NAV3: variants seen among roughly 807,000 people sequenced by gnomAD.
The protein encoded by NAV3 is pore membrane and/or filament interacting like protein 1.
A neutral mutation model predicts 244.7 loss-of-function variants in NAV3; 87 were observed. The ratio of observed to expected loss-of-function variants is 0.36; its 90% CI spans 0.30 to 0.42. NAV3 has a LOEUF of 0.42. Ranked by LOEUF, NAV3 falls within the 20% of genes least tolerant of loss-of-function variation. The probability of loss-of-function intolerance (pLI) is 1.00; values close to 1 mark genes in which losing one functional copy is unlikely to be tolerated. For synonymous variants in NAV3, 1,126 were observed against 1,042.2 expected, an observed-to-expected ratio of 1.08 and a Z score of -1.55; for missense variants, 2,663 against 2,893.3, an observed-to-expected ratio of 0.92 and a Z score of 1.83.
chr12:77,578,700 T>C (rs532038181), intron 2 of NAV3, among the ~76,000 whole-genome samples: 2 of 152,314 alleles, frequency 1.3e-5, no homozygotes, highest in South Asian at 2.1e-4. Flanking sequence ...CCCAGACTAA[T>C]GATAATATCA....
At chr12:77,834,009 G>T (rs1350539083) in intron 1 of NAV3, among the ~76,000 whole-genome samples, 1 of 151,898 alleles carries the variant, frequency 6.6e-6, no homozygotes, top group African/African-American at 2.4e-5. Context: ...CCAGCCGCTT[G>T]TGTGTTCTTC....
intron 3 of NAV3, among the ~76,000 whole-genome samples, chr12:77,955,564 C>T (rs976736448): frequency 3.3e-5 from 5 of 151,982 alleles, no homozygotes; most frequent in Admixed American, 2.0e-4. Context: ...TCTTTTTGGC[C>T]TCTGATCAGA....
intron 12 of NAV3, among the ~76,000 whole-genome samples, chr12:78,100,304 T>C (rs1437081929): frequency 6.6e-6 from 1 of 151,914 alleles, no homozygotes; most frequent in Non-Finnish European, 1.5e-5. Flanking sequence ...TGGTACTAAG[T>C]ACAAACAGAA....
chr12:78,009,896 A>T (rs1033448384), intron 8 of NAV3, among the ~76,000 whole-genome samples: 2 of 152,146 alleles, frequency 1.3e-5, no homozygotes, highest in Non-Finnish European at 2.9e-5. Flanking sequence ...TTTTATTATT[A>T]TCAACAATAT....
rs1429259256 is a variant in NAV3, at chr12:77,962,193, G to GCTCAAT, written c.415-4035_415-4030dup. Among the ~76,000 whole-genome samples, 4 of 151,746 alleles carry GCTCAAT rather than the reference G, an allele frequency of 2.6e-5. No homozygotes were observed. In the East Asian group the frequency reaches 7.7e-4, roughly 29 times the overall value. On this transcript the variant is annotated intron_variant, in intron 3 of 39. Coordinates refer to ENST00000397909, the MANE Select transcript of NAV3 (RefSeq NM_001024383.2). ...TTCTTCCCAAGGATAATCTCCTAAG[G>GCTCAAT]CTCAATGTTTGTTCCTCTTCTTTTA...
chr12:78,025,595 C>CAAAAAAAAAAAAAAAAAAAA (rs1186694789), intron 9 of NAV3, among the ~76,000 whole-genome samples: 1 of 55,566 alleles, frequency 1.8e-5, no homozygotes, highest in Non-Finnish European at 3.2e-5. Context: ...GACTCCATCT[C>CAAAAAAAAAAAAAAAAAAAA]AAAAAAAAAA....
chr12:77,605,586 T>C (rs1284483518), intron 2 of NAV3, among the ~76,000 whole-genome samples: 1 of 152,198 alleles, frequency 6.6e-6, no homozygotes, highest in Non-Finnish European at 1.5e-5. Context: ...TTGAGAATTC[T>C]TTAATGTGTT....
intron 2 of NAV3, among the ~76,000 whole-genome samples, chr12:77,622,263 C>A (rs949178109): frequency 1.3e-5 from 2 of 152,062 alleles, no homozygotes; most frequent in South Asian, 4.2e-4. Flanking sequence ...GGGTTCATGC[C>A]GTTCTCCTGC....
intron 7 of NAV3, among the ~76,000 whole-genome samples, chr12:78,001,153 C>T (rs1007437164): frequency 6.6e-6 from 1 of 152,102 alleles, no homozygotes; most frequent in Non-Finnish European, 1.5e-5. Context: ...GCATATATAA[C>T]TTGGGTGTGA....
intron 1 of NAV3, among the ~76,000 whole-genome samples, chr12:77,883,781 C>T (rs1401537710): frequency 2.0e-5 from 3 of 152,050 alleles, no homozygotes; most frequent in Admixed American, 2.0e-4. Flanking sequence ...TTTTTGCTAT[C>T]ACCAGTTGTT....
intron 3 of NAV3, among the ~76,000 whole-genome samples, chr12:77,963,802 C>T (rs1159496649): frequency 3.3e-5 from 5 of 152,056 alleles, no homozygotes; most frequent in South Asian, 2.1e-4. Flanking sequence ...AATGTATTAT[C>T]GATCATTTGT....
intron 1 of NAV3, among the ~76,000 whole-genome samples, chr12:77,896,027 A>C (rs2136835114): frequency 6.6e-6 from 1 of 151,894 alleles, no homozygotes; most frequent in South Asian, 2.1e-4. Context: ...TCTTTTACAA[A>C]AATGAGAAAG....
chr12:77,950,924 G>A (rs1344169301), intron 3 of NAV3: 1 of 152,036 alleles, frequency 6.6e-6, no homozygotes, highest in Admixed American at 6.6e-5. Context: ...AATTCAAGAT[G>A]GATTAAAGAC....
intron 2 of NAV3, among the ~76,000 whole-genome samples, chr12:77,591,285 A>G (rs1869891495): frequency 6.6e-6 from 1 of 152,232 alleles, no homozygotes; most frequent in Non-Finnish European, 1.5e-5. Context: ...AAATATGTTA[A>G]CATATTCATC....
intron 34 of NAV3, among the ~76,000 whole-genome samples, chr12:78,196,658 T>G (rs1457000704): frequency 1.3e-5 from 2 of 151,934 alleles, no homozygotes; most frequent in Admixed American, 6.6e-5. Flanking sequence ...CTAAATTTTG[T>G]CTTTGTTTAA....
intron 2 of NAV3, among the ~76,000 whole-genome samples, chr12:77,590,002 T>C (rs1198179422): frequency 1.3e-5 from 2 of 152,200 alleles, no homozygotes; most frequent in Non-Finnish European, 2.9e-5. Flanking sequence ...TTATGTAAGC[T>C]TGGAACAGAG....
intron 2 of NAV3, among the ~76,000 whole-genome samples, chr12:77,744,846 T>C (rs1046268057): frequency 6.6e-6 from 1 of 151,894 alleles, no homozygotes; most frequent in Non-Finnish European, 1.5e-5. Context: ...ATAACAATAA[T>C]GTTTAGTATA....
chr12:78,068,564 A>G (rs1952596193), intron 12 of NAV3, among the ~76,000 whole-genome samples: 1 of 148,764 alleles, frequency 6.7e-6, no homozygotes, highest in African/African-American at 2.4e-5. Flanking sequence ...GCTTGCTGAT[A>G]TCAATAAAGC....
At chr12:77,744,754 G>A (rs988110401) in intron 2 of NAV3, among the ~76,000 whole-genome samples, 1 of 151,572 alleles carries the variant, frequency 6.6e-6, no homozygotes, top group South Asian at 2.1e-4. Flanking sequence ...GTCTTTTAAT[G>A]TGGTTTGATT....
Sources: gnomAD v4.1 joint callset for allele counts (sites outside exome capture counted in the v4.1 genomes callset) on GRCh38, gnomAD v4.1.1 for gene constraint, MANE v1.5 for transcripts, NCBI Gene and HGNC (gene_info 2026-07-23, HGNC 2026-07-21) for gene names.